Variants in NAV2 observed in about 807,000 individuals in gnomAD.
NAV2 encodes the protein neuron navigator 2, also known as helicase, APC down-regulated 1.
NAV2 carries 54 observed loss-of-function variants against 223.2 expected under a neutral mutation model. That is an observed-to-expected ratio of 0.24 (90% CI 0.19 to 0.30). The LOEUF is 0.30. Ranked by LOEUF, NAV2 falls within the 10% of genes least tolerant of loss-of-function variation. The pLI, the probability that NAV2 is intolerant of heterozygous loss-of-function variation, is 1.00. For missense variants in NAV2, 2,806 were observed against 3,147.5 expected (o/e 0.89, Z 2.60); for synonymous variants, 1,279 against 1,239.3 (o/e 1.03, Z -0.67).
At chr11:19,838,210 T>TA (rs2060330980) in intron 2 of NAV2, among the ~76,000 whole-genome samples, 1 of 152,212 alleles carries the variant, frequency 6.6e-6, no homozygotes, top group Non-Finnish European at 1.5e-5. Flanking sequence ...TTGTGCCTTT[T>TA]AAGGGACAGC....
At chr11:19,641,810 T>C (rs895179287) in intron 1 of NAV2, among the ~76,000 whole-genome samples, 4 of 152,132 alleles carry the variant, frequency 2.6e-5, no homozygotes, top group African/African-American at 9.7e-5. Context: ...TCTATTGCTA[T>C]GGCTTCTACC....
chr11:20,054,153 C>G lies in NAV2; in HGVS notation c.4555C>G (p.Leu1519Val), dbSNP rs772538219. ...GTTACGGTCCCATTCTGCAGGAGGC[C>G]TTCAGGACACCGCTGCCAATTCCCC... is the stretch of plus-strand genomic sequence containing the variant. Reference protein sequence around the residue: ...EWLRSHSAGGLQDTAANSPFS... With the variant: ...EWLRSHSAGGVQDTAANSPFS... Residue 1519 changes from leucine to valine, a missense_variant, in exon 18 of 38, where the codon CTT becomes GTT. Transcript: ENST00000349880. 18 of 1,613,828 alleles carry G rather than the reference C, an allele frequency of 1.1e-5. No individual in the cohort carries two copies. The highest frequency in any genetic ancestry group is 1.4e-5 in the Non-Finnish European group (17 of 1,179,970).
chr11:19,766,264 C>T (rs182732095), intron 1 of NAV2, among the ~76,000 whole-genome samples: 2 of 152,186 alleles, frequency 1.3e-5, no homozygotes, highest in East Asian at 1.9e-4. Flanking sequence ...AAAGAGGAAT[C>T]GGATGAAGGT....
At chr11:20,065,251 A>G (rs1229978334) in intron 20 of NAV2, among the ~76,000 whole-genome samples, 1 of 152,178 alleles carries the variant, frequency 6.6e-6, no homozygotes, top group Non-Finnish European at 1.5e-5. Flanking sequence ...GTTGTCTGAA[A>G]AGAGATCTTT....
Position 20,097,673 on chromosome 11 carries a change from TC to T in NAV2, c.6111del (p.Glu2038LysfsTer20). The T allele has an allele frequency of 6.2e-7, 1 of 1,613,456 alleles. No homozygotes were observed. The highest frequency in any genetic ancestry group is 8.5e-7 in the Non-Finnish European group (1 of 1,179,836). The stretch of plus-strand genomic sequence containing the variant: ...TGGAGAAATCAAGCGCAGCAACACT[TC>T]CGAAACACCGGAGCTGCTTCCTTGT... ...SIGEIKRSNT[S>X]ETPELLPCGY... On this transcript the variant is annotated frameshift_variant, in exon 31 of 38. Coordinates refer to ENST00000349880, the MANE Select transcript of NAV2 (RefSeq NM_145117.5). LOFTEE classifies it high-confidence loss of function.
intron 1 of NAV2, among the ~76,000 whole-genome samples, chr11:19,550,559 A>G (rs566685498): frequency 1.3e-5 from 2 of 152,314 alleles, no homozygotes; most frequent in East Asian, 3.9e-4. Context: ...ATAGTCTGCA[A>G]GCAGCATTGC....
intron 3 of NAV2, among the ~76,000 whole-genome samples, chr11:19,861,149 CAG>C (rs1015415822): frequency 2.0e-5 from 3 of 151,974 alleles, no homozygotes; most frequent in African/African-American, 7.3e-5. Context: ...TTCTCTTAAA[CAG>C]ATATTGTCAC....
At chr11:20,109,718 C>A (rs917333706) in intron 36 of NAV2, among the ~76,000 whole-genome samples, 2 of 152,188 alleles carry the variant, frequency 1.3e-5, no homozygotes, top group African/African-American at 4.8e-5. Flanking sequence ...GCCCCTGATT[C>A]CACCTCACCT....
At chr11:19,600,226 G>T (rs1438416717) in intron 1 of NAV2, among the ~76,000 whole-genome samples, 2 of 152,120 alleles carry the variant, frequency 1.3e-5, no homozygotes, top group African/African-American at 4.8e-5. Context: ...TGCCTCATTG[G>T]GTGTGGTTTT....
chr11:19,914,823 C>T (rs553087080), intron 6 of NAV2, among the ~76,000 whole-genome samples: 18 of 151,988 alleles, frequency 1.2e-4, no homozygotes, highest in Non-Finnish European at 2.2e-4. Flanking sequence ...GGATTACAGG[C>T]GTGAGCCACC....
intron 26 of NAV2, among the ~76,000 whole-genome samples, chr11:20,083,991 A>G (rs1490343420): frequency 6.6e-6 from 1 of 152,274 alleles, no homozygotes; most frequent in Non-Finnish European, 1.5e-5. Flanking sequence ...GAGGGAGTAC[A>G]GGCAAAATCA....
chr11:19,537,089 A>G (rs1184298111), intron 1 of NAV2, among the ~76,000 whole-genome samples: 3 of 152,184 alleles, frequency 2.0e-5, no homozygotes, highest in African/African-American at 4.8e-5. Context: ...CTATGGTGGG[A>G]AGGAAATTAT....
intron 1 of NAV2, among the ~76,000 whole-genome samples, chr11:19,446,719 C>T (rs1199361378): frequency 2.0e-5 from 3 of 152,206 alleles, no homozygotes; most frequent in Non-Finnish European, 4.4e-5. Flanking sequence ...CGCTGAACTG[C>T]TTGGAGCACC....
chr11:19,935,857 T>TG (rs2045823917), intron 7 of NAV2, among the ~76,000 whole-genome samples: 1 of 96,246 alleles, frequency 1.0e-5, no homozygotes, highest in African/African-American at 3.5e-5. Context: ...TTCTGTTTTT[T>TG]TTTTTTTTTT....
intron 35 of NAV2, 22 bp from the exon 36 acceptor site, chr11:20,107,642 G>A: frequency 1.9e-6 from 3 of 1,578,600 alleles, no homozygotes; most frequent in African/African-American, 2.7e-5. Context: ...GAGTGCTAAT[G>A]TATTTTCACT....
At chr11:19,502,900 C>T (rs1024328559) in intron 1 of NAV2, 2 of 152,150 alleles carry the variant, frequency 1.3e-5, no homozygotes, top group East Asian at 3.9e-4. Context: ...TAAGTCCTGG[C>T]TCTGGAAACT....
In NAV2 at chr11:19,900,937, T is replaced by G. The variant is rs149968290; in HGVS notation, c.931+8343T>G. Reference sequence around the variant, plus strand: ...TCTTACCTCTCAGAGATTCAGTTGATTTATCTTTGAAGTGGCAACAGGCTT... The same window carrying G: ...TCTTACCTCTCAGAGATTCAGTTGAGTTATCTTTGAAGTGGCAACAGGCTT... On this transcript the variant is annotated intron_variant, in intron 6 of 37. Transcript: ENST00000349880. 4.1e-4 allele frequency among the ~76,000 whole-genome samples: 62 copies of G among 152,304 alleles called. No homozygotes were observed. The East Asian group carries it at 0.012, about 28-fold the overall frequency.
Position 20,093,182 on chromosome 11 carries a change from G to C in NAV2, c.5899G>C (p.Glu1967Gln). ...HVKIVVSFQE[E>Q]MKWKEDSRPH... ...TAAGATAGTTGTCAGCTTTCAGGAG[G>C]AAATGAAGTGGAAGGAGGTTAGTTG... Residue 1967 changes from glutamate to glutamine, a missense_variant, in exon 29 of 38, where the codon GAA (glutamate) becomes CAA (glutamine). By Grantham distance (29) the Glu-to-Gln change is conservative. Around this residue, in one of 4 missense-constraint regions of NAV2, gnomAD observed 824 missense variants for 1,069.4 expected, o/e 0.77. Coordinates refer to ENST00000349880, the MANE Select transcript of NAV2 (RefSeq NM_145117.5). 1.2e-6 allele frequency: 2 copies of C among 1,613,552 alleles called. No homozygotes were observed. The highest frequency in any genetic ancestry group is 1.7e-6 in the Non-Finnish European group (2 of 1,179,492).
At chr11:19,723,182 A>C (rs557543551) in intron 1 of NAV2, among the ~76,000 whole-genome samples, 1 of 152,210 alleles carries the variant, frequency 6.6e-6, no homozygotes, top group Non-Finnish European at 1.5e-5. Context: ...AGAAAAGCCT[A>C]GGATAGGACA....
Sources: gnomAD v4.1 joint callset for allele counts (sites outside exome capture counted in the v4.1 genomes callset) on GRCh38, gnomAD v4.1.1 for gene constraint, gnomAD v4.1.1 regional missense constraint, MANE v1.5 for transcripts, NCBI Gene and HGNC (gene_info 2026-07-23, HGNC 2026-07-21) for gene names.